The following SLC45A3 variants were observed in gnomAD, a reference collection of about 807,000 sequenced individuals.
SLC45A3 encodes prostate cancer associated protein 2.
In SLC45A3, 17 loss-of-function variants were observed where a neutral mutation model predicts 35.3. The observed-to-expected ratio is 0.48, with a 90% CI of 0.33 to 0.72. SLC45A3 has a LOEUF of 0.72. Ranked by LOEUF, SLC45A3 falls within the 30% of genes least tolerant of loss-of-function variation. The pLI, the probability that SLC45A3 is intolerant of heterozygous loss-of-function variation, is 0.02. For missense variants in SLC45A3, 597 were observed against 731.7 expected, an observed-to-expected ratio of 0.82 and a Z score of 2.12; for synonymous variants, 288 against 334.3, an observed-to-expected ratio of 0.86 and a Z score of 1.51.
chr1:205,680,487 T>G lies in SLC45A3; in HGVS notation c.-324A>C, dbSNP rs1313878698. On this transcript the variant is annotated 5_prime_UTR_variant, in exon 1 of 5. Transcript: ENST00000367145. ...CCCCCACGCGCGCCAGCCGGCGGCTTTTAAATCTCCAGGTTACTCCGCGGG... is the reference window on the plus strand; with the variant it reads ...CCCCCACGCGCGCCAGCCGGCGGCTGTTAAATCTCCAGGTTACTCCGCGGG... 6.6e-6 allele frequency: 1 copy of G among 151,888 alleles called. No homozygotes were observed. The highest frequency in any genetic ancestry group is 1.5e-5 in the Non-Finnish European group (1 of 68,166). 9.4% of individuals were successfully genotyped at this position (151,888 alleles called of 1,614,324 possible). A position where few individuals can be genotyped will look rare whatever the true frequency, so the allele number is the denominator to read the frequency against.
rs539366127 is a variant in SLC45A3, at chr1:205,673,889, C to T, written c.-231+6505G>A. Among the ~76,000 whole-genome samples the T allele has an allele frequency of 5.3e-5, 8 of 152,348 alleles. No homozygotes were observed. The South Asian group carries it at 1.7e-3, about 32-fold the overall frequency. On this transcript the variant is annotated intron_variant, in intron 1 of 4. Coordinates refer to ENST00000367145, the MANE Select transcript of SLC45A3 (RefSeq NM_033102.3). ...TATACCTCAGTGCATGCAACCTAAC[C>T]TCCCCTAAGGGAATGTCAGACAGCA...
rs1367785947 is a variant in SLC45A3 at position 205,659,277 on chromosome 1, T to C, written c.1619A>G (p.Gln540Arg). 1.2e-6 allele frequency: 2 copies of C among 1,614,050 alleles called. No individual in the cohort carries two copies. The highest frequency in any genetic ancestry group is 1.7e-6 in the Non-Finnish European group (2 of 1,179,946). Residue 540 changes from glutamine to arginine, a missense_variant, in exon 5 of 5, where the codon CAG (glutamine) becomes CGG (arginine). By Grantham distance (43) the Gln-to-Arg change is conservative (BLOSUM62 1). Around this residue, in one of 3 missense-constraint regions of SLC45A3, gnomAD observed 555 missense variants for 664.9 expected, o/e 0.83. Transcript: ENST00000367145. This position sits in a 1 kb window ranked among gnomAD's most constrained non-coding sequence, Gnocchi z 5.8. ...LGLVAIYFAT[Q>R]VVFDKSDLAK... ...CAAGTCGCTCTTGTCAAATACTACC[T>C]GTGTAGCAAAGTAAATGGCGACCAG...
rs1170394349 is a variant in SLC45A3 at position 205,664,919 on chromosome 1, G to T, written c.-230-33C>A. 6.8e-6 allele frequency: 9 copies of T among 1,318,110 alleles called. No individual in the cohort carries two copies. Among genetic ancestry groups the T allele is most frequent in the Non-Finnish European group, 7.7e-6 (8 of 1,034,836 alleles). 81.7% of individuals were successfully genotyped at this position (1,318,110 alleles called of 1,614,324 possible). On this transcript the variant is annotated intron_variant, in intron 1 of 4. Coordinates refer to ENST00000367145, the MANE Select transcript of SLC45A3 (RefSeq NM_033102.3). The surrounding 1 kb of genome is among the most constrained non-coding windows in gnomAD (Gnocchi z 5.3). ...GGCGGGGCAATCACAAGCACACGGG[G>T]TGTTAAGTCCTGGGAGCCAGGTCTC...
Position 205,663,604 on chromosome 1 carries a change from G to A in SLC45A3, c.187C>T (p.Leu63=), listed in dbSNP as rs756184003. 1 of 1,585,354 alleles carries A rather than the reference G, an allele frequency of 6.3e-7. No individual in the cohort carries two copies. The highest frequency in any genetic ancestry group is 8.6e-7 in the Non-Finnish European group (1 of 1,167,160). Residue 63 remains leucine (L), a synonymous_variant, in exon 3 of 5, where the codon CTG becomes TTG. Coordinates refer to ENST00000367145, the MANE Select transcript of SLC45A3 (RefSeq NM_033102.3). ...AGGAGCGGGACACAGACCAGGCCCAGCACTGGACCAATGCCTGCAAGAAGG... is the reference window on the plus strand; with the variant it reads ...AGGAGCGGGACACAGACCAGGCCCAACACTGGACCAATGCCTGCAAGAAGG... ...MTMVLGIGPV[L]GLVCVPLLGS...
chr1:205,667,893 A>G (rs1013484447), intron 1 of SLC45A3, among the ~76,000 whole-genome samples: 3 of 152,102 alleles, frequency 2.0e-5, no homozygotes, highest in Admixed American at 2.0e-4. Flanking sequence ...CAGCCCAGAT[A>G]GCTCATTAGT....
In SLC45A3 at chr1:205,659,514, C is replaced by A. The variant is rs1670981008; in HGVS notation, c.1382G>T (p.Cys461Phe). 1 of 1,612,078 alleles carries A rather than the reference C, an allele frequency of 6.2e-7. No homozygotes were observed. Among genetic ancestry groups the A allele is most frequent in the South Asian group, 1.1e-5 (1 of 90,830 alleles). Residue 461 changes from cysteine (C) to phenylalanine (F), a missense_variant, in exon 5 of 5, where the codon TGC becomes TTC. Cys to Phe is a radical substitution (Grantham distance 205, BLOSUM62 -2). Around this residue, in one of 3 missense-constraint regions of SLC45A3, gnomAD observed 555 missense variants for 664.9 expected, o/e 0.83. Transcript: ENST00000367145. The surrounding 1 kb of genome is among the most constrained non-coding windows in gnomAD (Gnocchi z 5.8). Reference sequence around the variant, plus strand: ...GGAGACATCACAGGCAGAGGCCCCGCAGAGCGCGGGTGGAGGTGGGAGCAG... The same window carrying A: ...GGAGACATCACAGGCAGAGGCCCCGAAGAGCGCGGGTGGAGGTGGGAGCAG... ...SGLLPPPPALCGASACDVSVR... is the reference protein window; with the variant it reads ...SGLLPPPPALFGASACDVSVR...
rs529458132 is a variant in SLC45A3 at position 205,663,581 on chromosome 1, G to A, written c.210C>T (p.Leu70=). The change falls in exon 3 of 5, where the codon CTC becomes CTT. Residue 70 remains leucine, a synonymous_variant. Coordinates refer to ENST00000367145, the MANE Select transcript of SLC45A3 (RefSeq NM_033102.3). The part of the protein sequence containing the change: ...GPVLGLVCVP[L]LGSASDHWRG... ...GCCAGTGGTCACTGGCTGAGCCTAG[G>A]AGCGGGACACAGACCAGGCCCAGCA... 6.2e-7 allele frequency: 1 copy of A among 1,609,158 alleles called. No homozygotes were observed. The highest frequency in any genetic ancestry group is 1.1e-5 in the South Asian group (1 of 90,692).
chr1:205,662,205 C>A lies in SLC45A3; in HGVS notation c.959-79G>T. The stretch of plus-strand genomic sequence containing the variant: ...GTCTCAGGGAGATGAGAAGGCGGAA[C>A]CACAGGTACCTGCTGCACGAGACCT... On this transcript the variant is annotated intron_variant, in intron 3 of 4. Coordinates refer to ENST00000367145, the MANE Select transcript of SLC45A3 (RefSeq NM_033102.3). The surrounding 1 kb of genome is among the most constrained non-coding windows in gnomAD (Gnocchi z 6.2). 1 of 1,509,484 alleles carries A rather than the reference C, an allele frequency of 6.6e-7. No individual in the cohort carries two copies. Among genetic ancestry groups the A allele is most frequent in the Non-Finnish European group, 8.9e-7 (1 of 1,127,374 alleles). 93.5% of individuals were successfully genotyped at this position (1,509,484 alleles called of 1,614,324 possible).
chr1:205,670,158 G>C (rs1279047799), intron 1 of SLC45A3, among the ~76,000 whole-genome samples: 1 of 152,228 alleles, frequency 6.6e-6, no homozygotes, highest in Non-Finnish European at 1.5e-5. Flanking sequence ...CCCAGAAAGA[G>C]CCTGCACTAG....
In SLC45A3 at chr1:205,662,827, C is replaced by A; in HGVS notation, c.958+6G>T. ...CACCAGCCTCTGCTGGCTGCCAAGG[C>A]CTTACCTTCATCATAGTGTCTCCGG... On this transcript the variant is annotated splice_donor_region_variant and intron_variant, in intron 3 of 4. Transcript: ENST00000367145. The surrounding 1 kb of genome is among the most constrained non-coding windows in gnomAD (Gnocchi z 6.2). 1 of 1,578,012 alleles carries A rather than the reference C, an allele frequency of 6.3e-7. No individual in the cohort carries two copies. Among genetic ancestry groups the A allele is most frequent in the South Asian group, 1.2e-5 (1 of 86,740 alleles).
In SLC45A3 at chr1:205,661,890, G is replaced by C. The variant is rs1197490316; in HGVS notation, c.1195C>G (p.Leu399Val). 6.2e-7 allele frequency: 1 copy of C among 1,614,054 alleles called. No homozygotes were observed. The highest frequency in any genetic ancestry group is 1.1e-5 in the South Asian group (1 of 91,078). Residue 399 changes from leucine (L) to valine (V), a missense_variant, in exon 4 of 5, where the codon CTG (leucine) becomes GTG (valine). Physicochemically the swap from Leu to Val is conservative, Grantham distance 32 (BLOSUM62 1). Coordinates refer to ENST00000367145, the MANE Select transcript of SLC45A3 (RefSeq NM_033102.3). Reference sequence around the variant, plus strand: ...TTCTCCCGGTGGTAGAGGGAGGCCAGTGTGTAGGGCAGGATCTGCAGGGCT... The same window carrying C: ...TTCTCCCGGTGGTAGAGGGAGGCCACTGTGTAGGGCAGGATCTGCAGGGCT... ...FSALQILPYT[L>V]ASLYHREKQV...
chr1:205,662,118 TC>T lies in SLC45A3; in HGVS notation c.966del (p.Met323TrpfsTer56). 1 of 1,612,110 alleles carries T rather than the reference TC, an allele frequency of 6.2e-7. No individual in the cohort carries two copies. The highest frequency in any genetic ancestry group is 8.5e-7 in the Non-Finnish European group (1 of 1,178,760). On this transcript the variant is annotated frameshift_variant, in exon 4 of 5. Transcript: ENST00000367145. LOFTEE classifies it high-confidence loss of function. The surrounding 1 kb of genome is among the most constrained non-coding windows in gnomAD (Gnocchi z 6.2). ...TGCAGGAACAGCCCCAGGCTGCCCA[TC>T]CGAACGCCTGCAGAGGGAGAGGGGC... is the stretch of plus-strand genomic sequence containing the variant. The part of the protein sequence containing the change: ...EARRHYDEGV[R>X]MGSLGLFLQC...
In SLC45A3 at chr1:205,669,700, C is replaced by T. The variant is rs189422770; in HGVS notation, c.-230-4814G>A. On this transcript the variant is annotated intron_variant, in intron 1 of 4. Coordinates refer to ENST00000367145, the MANE Select transcript of SLC45A3 (RefSeq NM_033102.3). This position sits in a 1 kb window ranked among gnomAD's most constrained non-coding sequence, Gnocchi z 4.1. ...CGTGTTCCCTGCACACTCACAAAGA[C>T]GCTCTGCTTTCTCCCAGGCTCCTCA... Among the ~76,000 whole-genome samples the T allele has an allele frequency of 7.9e-5, 12 of 152,338 alleles. No homozygotes were observed. Among genetic ancestry groups the T allele is most frequent in the Non-Finnish European group, 1.3e-4 (9 of 68,024 alleles).
chr1:205,661,802 C>A, intron 4 of SLC45A3, 59 bp downstream of exon 4: 1 of 1,559,588 alleles, frequency 6.4e-7, no homozygotes. Flanking sequence ...AGCTAGTTGG[C>A]CTCCCAAAAA....
At chr1:205,674,602 CAAAAAAAAAA>C (rs57508315) in intron 1 of SLC45A3, among the ~76,000 whole-genome samples, 37,928 of 95,940 alleles carry the variant, frequency 0.4, 7,358 homozygotes, top group Non-Finnish European at 0.5. Flanking sequence ...GATGCTGTTT[CAAAAAAAAAA>C]AAAAAAAAAA....
Position 205,662,117 on chromosome 1 carries a change from A to G in SLC45A3, c.968T>C (p.Met323Thr), listed in dbSNP as rs1671035991. Residue 323 changes from methionine (M) to threonine (T), a missense_variant, in exon 4 of 5, where the codon ATG becomes ACG. By Grantham distance (81) the Met-to-Thr change is moderately conservative. Transcript: ENST00000367145. The surrounding 1 kb of genome is among the most constrained non-coding windows in gnomAD (Gnocchi z 6.2). ...CTGCAGGAACAGCCCCAGGCTGCCCATCCGAACGCCTGCAGAGGGAGAGGG... is the reference window on the plus strand; with the variant it reads ...CTGCAGGAACAGCCCCAGGCTGCCCGTCCGAACGCCTGCAGAGGGAGAGGG... ...ARRHYDEGVR[M>T]GSLGLFLQCA... 1 of 1,612,548 alleles carries G rather than the reference A, an allele frequency of 6.2e-7. No homozygotes were observed. Among genetic ancestry groups the G allele is most frequent in the Non-Finnish European group, 8.5e-7 (1 of 1,178,990 alleles).
intron 1 of SLC45A3, among the ~76,000 whole-genome samples, chr1:205,679,127 G>A (rs1671358112): frequency 1.3e-5 from 2 of 152,124 alleles, no homozygotes; most frequent in African/African-American, 4.8e-5. Flanking sequence ...GTCACTGCGG[G>A]CCCTGGTCAA....
chr1:205,659,219 T>C lies in SLC45A3; in HGVS notation c.*15A>G, dbSNP rs777896027. 1 of 1,590,078 alleles carries C rather than the reference T, an allele frequency of 6.3e-7. No individual in the cohort carries two copies. The highest frequency in any genetic ancestry group is 2.2e-5 in the East Asian group (1 of 44,662). On this transcript the variant is annotated 3_prime_UTR_variant, in exon 5 of 5. Coordinates refer to ENST00000367145, the MANE Select transcript of SLC45A3 (RefSeq NM_033102.3). This position sits in a 1 kb window ranked among gnomAD's most constrained non-coding sequence, Gnocchi z 5.8. ...CAGTGAGGCAGGCCCTCCACCCCAA[T>C]GTGCTGGAAGTTTTCTACGCTGAGT...
chr1:205,672,964 A>C (rs1291602630), intron 1 of SLC45A3, among the ~76,000 whole-genome samples: 2 of 152,306 alleles, frequency 1.3e-5, no homozygotes, highest in Non-Finnish European at 2.9e-5. Context: ...GTGAAATAGG[A>C]ATATAAAATC....
Sources: allele counts gnomAD v4.1 joint callset (sites outside exome capture counted in the v4.1 genomes callset), GRCh38; gene constraint gnomAD v4.1.1; regional missense constraint gnomAD v4.1.1; non-coding constraint Gnocchi (gnomAD v3.1); transcripts MANE v1.5; gene names NCBI Gene and HGNC (gene_info 2026-07-23, HGNC 2026-07-21).